The following CAMK1D variants were observed in gnomAD, a reference collection of about 807,000 sequenced individuals.
CAMK1D encodes the protein calcium/calmodulin dependent protein kinase ID.
Under a neutral mutation model 47.7 loss-of-function variants are expected in CAMK1D, and 9 were observed. The ratio of observed to expected loss-of-function variants is 0.19; its 90% confidence interval spans 0.11 to 0.33. The LOEUF (loss-of-function observed/expected upper bound fraction) is 0.33. Ranked by LOEUF, CAMK1D falls within the 10% of genes least tolerant of loss-of-function variation. The pLI, the probability that CAMK1D is intolerant of heterozygous loss-of-function variation, is 1.00. For synonymous variants in CAMK1D, 184 were observed against 184.9 expected (o/e 0.99, Z 0.04); for missense variants, 291 against 488.7 (o/e 0.60, Z 3.81).
chr10:12,387,135 C>T (rs931934085), intron 1 of CAMK1D, among the ~76,000 whole-genome samples: 1 of 148,620 alleles, frequency 6.7e-6, no homozygotes, highest in Non-Finnish European at 1.5e-5. Context: ...ACCCAGGAGG[C>T]GGATGTTGCA....
At chr10:12,801,196 G>A (rs1456906015) in intron 6 of CAMK1D, among the ~76,000 whole-genome samples, 1 of 151,944 alleles carries the variant, frequency 6.6e-6, no homozygotes, top group Non-Finnish European at 1.5e-5. Flanking sequence ...CTATGTCACT[G>A]GAACTTTCAG....
intron 2 of CAMK1D, among the ~76,000 whole-genome samples, chr10:12,637,056 C>T (rs1315026418): frequency 6.6e-6 from 1 of 152,142 alleles, no homozygotes; most frequent in Non-Finnish European, 1.5e-5. Flanking sequence ...ACTGCAACCT[C>T]CACCTCCCGG....
intron 1 of CAMK1D, among the ~76,000 whole-genome samples, chr10:12,489,824 C>T (rs1183812380): frequency 1.3e-5 from 2 of 152,172 alleles, no homozygotes; most frequent in African/African-American, 4.8e-5. Flanking sequence ...TCTCTGGTGT[C>T]AGCGATTGCT....
chr10:12,519,045 C>A (rs1290553500), intron 1 of CAMK1D, among the ~76,000 whole-genome samples: 3 of 109,542 alleles, frequency 2.7e-5, no homozygotes, highest in Non-Finnish European at 6.0e-5. Flanking sequence ...AGGGGCTCCT[C>A]ACTTCCCAGT....
chr10:12,352,555 G>T (rs1231324499), intron 1 of CAMK1D, among the ~76,000 whole-genome samples: 1 of 151,814 alleles, frequency 6.6e-6, no homozygotes. Context: ...ATTTCAGTGA[G>T]TTGAGATTGC....
At chr10:12,526,443 C>G (rs1195963564) in intron 1 of CAMK1D, among the ~76,000 whole-genome samples, 1 of 152,122 alleles carries the variant, frequency 6.6e-6, no homozygotes, top group African/African-American at 2.4e-5. Context: ...TTTTTCAACT[C>G]TCTTCTCTCT....
chr10:12,557,554 A>G (rs1329664334), intron 2 of CAMK1D, among the ~76,000 whole-genome samples: 25 of 136,800 alleles, frequency 1.8e-4, no homozygotes, highest in African/African-American at 7.3e-4. Flanking sequence ...TCCATCTCAA[A>G]AAAAAAAAAA....
At chr10:12,827,138 C>G (rs971189879) in intron 10 of CAMK1D, among the ~76,000 whole-genome samples, 1 of 151,442 alleles carries the variant, frequency 6.6e-6, no homozygotes, top group African/African-American at 2.4e-5. Flanking sequence ...GCTTTCCTTT[C>G]TTTTTCTTTC....
At chr10:12,706,234 G>A (rs1258657228) in intron 3 of CAMK1D, among the ~76,000 whole-genome samples, 1 of 152,190 alleles carries the variant, frequency 6.6e-6, no homozygotes. Context: ...GGATTTCATA[G>A]CTACTTGGAA....
intron 1 of CAMK1D, among the ~76,000 whole-genome samples, chr10:12,387,030 C>T (rs6602583): frequency 0.15 from 23,328 of 151,474 alleles, 2,223 homozygotes; most frequent in East Asian, 0.32. Context: ...GGTGAAACCC[C>T]GTCTCTACTA....
chr10:12,368,052 C>G (rs1480367395), intron 1 of CAMK1D, among the ~76,000 whole-genome samples: 1 of 151,980 alleles, frequency 6.6e-6, no homozygotes, highest in African/African-American at 2.4e-5. Flanking sequence ...ATTAGCCGGG[C>G]GCGGTGGCGG....
intron 1 of CAMK1D, among the ~76,000 whole-genome samples, chr10:12,529,098 A>G (rs915122554): frequency 6.6e-6 from 1 of 152,056 alleles, no homozygotes; most frequent in Non-Finnish European, 1.5e-5. Context: ...TTGGTCTCCC[A>G]AAGTGCTGAG....
At chr10:12,547,195 A>G (rs1269838875) in intron 1 of CAMK1D, among the ~76,000 whole-genome samples, 1 of 152,202 alleles carries the variant, frequency 6.6e-6, no homozygotes, top group African/African-American at 2.4e-5. Context: ...CAAGAAGCAA[A>G]GAACTTTAGG....
intron 2 of CAMK1D, among the ~76,000 whole-genome samples, chr10:12,571,038 T>C (rs1465937637): frequency 6.6e-6 from 1 of 152,142 alleles, no homozygotes; most frequent in Non-Finnish European, 1.5e-5. Context: ...TCTCCCAAAA[T>C]GCAGTTGTTC....
intron 1 of CAMK1D, among the ~76,000 whole-genome samples, chr10:12,540,842 C>A (rs1836144611): frequency 6.6e-6 from 1 of 151,720 alleles, no homozygotes; most frequent in African/African-American, 2.4e-5. Flanking sequence ...AAGCATCTAC[C>A]TACTAAAGTT....
At chr10:12,809,537 C>T (rs558302541) in intron 6 of CAMK1D, among the ~76,000 whole-genome samples, 1 of 152,348 alleles carries the variant, frequency 6.6e-6, no homozygotes, top group African/African-American at 2.4e-5. Flanking sequence ...TAATGGAATG[C>T]TATTCAGCCT....
intron 1 of CAMK1D, among the ~76,000 whole-genome samples, chr10:12,433,634 G>A (rs912146769): frequency 3.9e-5 from 6 of 152,122 alleles, no homozygotes; most frequent in African/African-American, 7.2e-5. Flanking sequence ...AATGCCTTGC[G>A]TCCAGAAAGC....
At chr10:12,467,111 C>T (rs182223192) in intron 1 of CAMK1D, among the ~76,000 whole-genome samples, 42 of 152,110 alleles carry the variant, frequency 2.8e-4, no homozygotes, top group East Asian at 1.7e-3. Context: ...CCATGTGGAA[C>T]GTGTAATAAA....
chr10:12,799,793 C>T (rs1056799139), intron 6 of CAMK1D, among the ~76,000 whole-genome samples: 1 of 152,140 alleles, frequency 6.6e-6, no homozygotes, highest in Non-Finnish European at 1.5e-5. Flanking sequence ...AGGTGGTGTC[C>T]ATCTGGCTAA....
Sources: allele counts gnomAD v4.1 joint callset (sites outside exome capture counted in the v4.1 genomes callset), GRCh38; gene constraint gnomAD v4.1.1; transcripts MANE v1.5; gene names NCBI Gene and HGNC (gene_info 2026-07-23, HGNC 2026-07-21).